The following PDE12 variants were observed in gnomAD, a reference collection of about 807,000 sequenced individuals.
The protein encoded by PDE12 is phosphodiesterase 12.
PDE12 carries 26 observed loss-of-function variants against 45.4 expected under a neutral mutation model. The observed-to-expected ratio is 0.57, with a 90% CI of 0.42 to 0.79. PDE12 has a LOEUF of 0.79. Ranked by LOEUF, PDE12 falls within the 30% of genes least tolerant of loss-of-function variation. PDE12 has a pLI of 0.00. For synonymous variants in PDE12, 283 were observed against 323.9 expected (o/e 0.87, Z 1.36); for missense variants, 668 against 790.0 (o/e 0.85, Z 1.85).
At chr3:57,610,156 C>A in the PDE12 span, among the ~76,000 whole-genome samples, 1 of 152,098 alleles carries the variant, frequency 6.6e-6, no homozygotes, top group Non-Finnish European at 1.5e-5. Flanking sequence ...TCAATAGATG[C>A]AGAAAAGGCC....
chr3:57,577,425 A>G, the PDE12 span: 1,131 of 1,524,014 alleles, frequency 7.4e-4, 16 homozygotes, highest in Non-Finnish European at 1.3e-4. Flanking sequence ...TAACAGTTAA[A>G]CGACACTCTC....
chr3:57,631,035 C>T, the PDE12 span: 2 of 1,546,666 alleles, frequency 1.3e-6, no homozygotes, highest in Non-Finnish European at 1.8e-6. Flanking sequence ...TTAAACAGAC[C>T]TACTTAAAAG....
the PDE12 span, chr3:57,654,715 T>C: frequency 7.1e-6 from 7 of 985,056 alleles, no homozygotes; most frequent in Admixed American, 6.1e-5. Flanking sequence ...GCGTGGTCCA[T>C]GGAATAGACC....
At position 57,566,127 on chromosome 3, in the gene PDE12, A is replaced by G. The variant is rs1356330299; in HGVS notation, c.*6123A>G. 6.6e-6 allele frequency: 1 copy of G among 152,182 alleles called. No homozygotes were observed. The highest frequency in any genetic ancestry group is 1.5e-5 in the Non-Finnish European group (1 of 68,048). 9.4% of individuals were successfully genotyped at this position (152,182 alleles called of 1,614,324 possible). The stretch of plus-strand genomic sequence containing the variant: ...ACTCAGTTGACAAGGACTGGCCCCC[A>G]AAAGAAGCTGCATACTCACTTGGCA... On this transcript the variant is annotated 3_prime_UTR_variant, in exon 3 of 3. Transcript: ENST00000311180.
chr3:57,598,393 T>C, the PDE12 span, among the ~76,000 whole-genome samples: 2 of 152,206 alleles, frequency 1.3e-5, no homozygotes, highest in Non-Finnish European at 2.9e-5. Context: ...TTTTATATTT[T>C]TGAAGGCTTG....
the PDE12 span, chr3:57,625,637 T>A: frequency 6.6e-6 from 1 of 152,128 alleles, no homozygotes; most frequent in Admixed American, 6.6e-5. Context: ...AACAAATTCT[T>A]CTTAAAAAAA....
chr3:57,642,210 A>T, the PDE12 span, among the ~76,000 whole-genome samples: 1 of 148,368 alleles, frequency 6.7e-6, no homozygotes, highest in Admixed American at 6.9e-5. Flanking sequence ...GCTACTCAGG[A>T]GGCTGAGGCA....
At chr3:57,652,048 T>TAAA in the PDE12 span, among the ~76,000 whole-genome samples, 1 of 151,696 alleles carries the variant, frequency 6.6e-6, no homozygotes. Flanking sequence ...AATAATAAAA[T>TAAA]AAAAATAAAA....
the PDE12 span, chr3:57,597,105 T>C: frequency 1.7e-5 from 27 of 1,613,990 alleles, no homozygotes; most frequent in Non-Finnish European, 2.2e-5. Context: ...TCTTGCCAAA[T>C]AGTCGGGAGA....
chr3:57,612,379 TTAAAG>T, the PDE12 span, among the ~76,000 whole-genome samples: 1 of 151,868 alleles, frequency 6.6e-6, no homozygotes, highest in African/African-American at 2.4e-5. Context: ...ACCCTAGAAC[TTAAAG>T]TATAATAATA....
the PDE12 span, among the ~76,000 whole-genome samples, chr3:57,608,169 T>A: frequency 1.3e-5 from 2 of 152,008 alleles, no homozygotes; most frequent in Non-Finnish European, 2.9e-5. Flanking sequence ...ATAAAATCCT[T>A]TACAGACAAG....
the PDE12 span, among the ~76,000 whole-genome samples, chr3:57,579,055 G>A: frequency 6.6e-6 from 1 of 151,936 alleles, no homozygotes; most frequent in African/African-American, 2.4e-5. Context: ...CCAGCATTCT[G>A]GGAGGCCGAG....
the PDE12 span, among the ~76,000 whole-genome samples, chr3:57,649,957 C>T: frequency 6.6e-6 from 1 of 151,230 alleles, no homozygotes; most frequent in Non-Finnish European, 1.5e-5. Flanking sequence ...GAATACTACT[C>T]AGCCATAAAA....
the PDE12 span, chr3:57,634,822 A>T: frequency 7.2e-7 from 1 of 1,392,154 alleles, no homozygotes; most frequent in Non-Finnish European, 9.6e-7. Context: ...TACATATTAC[A>T]AAATTGGAAC....
the PDE12 span, chr3:57,600,950 A>G: frequency 1.3e-5 from 2 of 152,162 alleles, no homozygotes; most frequent in Non-Finnish European, 2.9e-5. Context: ...TTTAAAAATG[A>G]GGAAATTGAG....
chr3:57,646,528 G>A, the PDE12 span: 2 of 1,449,596 alleles, frequency 1.4e-6, no homozygotes, highest in South Asian at 2.9e-5. Context: ...ACTCCACATT[G>A]ATATAAATTC....
the PDE12 span, among the ~76,000 whole-genome samples, chr3:57,613,507 T>A: frequency 6.6e-6 from 1 of 151,342 alleles, no homozygotes; most frequent in East Asian, 2.0e-4. Flanking sequence ...TTGGTCAGGC[T>A]GGTCTGGAAC....
chr3:57,556,292 A>C lies in PDE12; in HGVS notation c.-88A>C. 1 of 1,373,202 alleles carries C rather than the reference A, an allele frequency of 7.3e-7. No individual in the cohort carries two copies. The highest frequency in any genetic ancestry group is 9.7e-7 in the Non-Finnish European group (1 of 1,032,948). 85.1% of individuals were successfully genotyped at this position (1,373,202 alleles called of 1,614,324 possible). Reference sequence around the variant, plus strand: ...GGAAGTCGCGAGATCTGAATGAGTCAAAGCCGGCGGCCTCGGCTCCTCAGC... The same window carrying C: ...GGAAGTCGCGAGATCTGAATGAGTCCAAGCCGGCGGCCTCGGCTCCTCAGC... On this transcript the variant is annotated 5_prime_UTR_variant, in exon 1 of 3. Transcript: ENST00000311180. This position sits in a 1 kb window ranked among gnomAD's most constrained non-coding sequence, Gnocchi z 5.0.
At position 57,559,629 on chromosome 3, in the gene PDE12, G is replaced by C; in HGVS notation, c.1455G>C (p.Leu485=). The part of the protein sequence containing the change: ...LAHIRHVSCD[L]YPGIPVIFCG... ...ACATAAGACATGTTTCATGTGATCT[G>C]TATCCTGGCATACCAGTTATATTTT... is the stretch of plus-strand genomic sequence containing the variant. The change falls in exon 3 of 3, where the codon CTG becomes CTC. Residue 485 remains leucine (L), a synonymous_variant. Transcript: ENST00000311180. 6.2e-7 allele frequency: 1 copy of C among 1,614,072 alleles called. No homozygotes were observed. The highest frequency in any genetic ancestry group is 2.2e-5 in the East Asian group (1 of 44,874).
Sources: allele counts gnomAD v4.1 joint callset (sites outside exome capture counted in the v4.1 genomes callset), GRCh38; gene constraint gnomAD v4.1.1; non-coding constraint Gnocchi (gnomAD v3.1); transcripts MANE v1.5; gene names NCBI Gene and HGNC (gene_info 2026-07-23, HGNC 2026-07-21).